The following GPC5 variants were observed in gnomAD, a reference collection of about 807,000 sequenced individuals.
The protein encoded by GPC5 is glypican 5.
GPC5 carries 47 observed loss-of-function variants against 53.9 expected under a neutral mutation model. The ratio of observed to expected loss-of-function variants is 0.87; its 90% CI spans 0.69 to 1.11. The LOEUF (loss-of-function observed/expected upper bound fraction) is 1.11. Ranked by LOEUF, GPC5 falls within the 50% of genes most tolerant of loss-of-function variation. The pLI, the probability that GPC5 is intolerant of heterozygous loss-of-function variation, is 0.00. For synonymous variants in GPC5, 286 were observed against 263.3 expected (o/e 1.09, Z -0.84); for missense variants, 748 against 713.1 (o/e 1.05, Z -0.56).
At chr13:91,843,132 C>G (rs1473125201) in intron 5 of GPC5, among the ~76,000 whole-genome samples, 9 of 152,096 alleles carry the variant, frequency 5.9e-5, no homozygotes, top group African/African-American at 2.2e-4. Context: ...TTTTGCTGAG[C>G]AACGATTTTG....
chr13:91,867,829 T>A (rs2039100895), intron 5 of GPC5, among the ~76,000 whole-genome samples: 2 of 152,218 alleles, frequency 1.3e-5, no homozygotes. Context: ...AACGAACAAT[T>A]GTATAGCATT....
At chr13:92,807,818 C>T (rs1324866161) in intron 7 of GPC5, among the ~76,000 whole-genome samples, 1 of 152,086 alleles carries the variant, frequency 6.6e-6, no homozygotes, top group Non-Finnish European at 1.5e-5. Context: ...GGCTGTGTGA[C>T]TAACACGCCT....
At chr13:91,782,249 C>A (rs2037809788) in intron 5 of GPC5, among the ~76,000 whole-genome samples, 1 of 152,180 alleles carries the variant, frequency 6.6e-6, no homozygotes, top group South Asian at 2.1e-4. Flanking sequence ...CCTCTACTTT[C>A]CAAGCTGTGT....
chr13:91,922,208 G>C (rs923927133), intron 6 of GPC5, among the ~76,000 whole-genome samples: 1 of 152,118 alleles, frequency 6.6e-6, no homozygotes, highest in African/African-American at 2.4e-5. Flanking sequence ...AGTGTATAAA[G>C]AGCTTGTGCA....
intron 5 of GPC5, among the ~76,000 whole-genome samples, chr13:91,816,017 G>A (rs2038393633): frequency 6.6e-6 from 1 of 151,908 alleles, no homozygotes; most frequent in South Asian, 2.1e-4. Context: ...CCATTCCCTG[G>A]GAAGCTTACC....
intron 7 of GPC5, among the ~76,000 whole-genome samples, chr13:92,754,503 C>A (rs2139330610): frequency 6.6e-6 from 1 of 151,760 alleles, no homozygotes. Flanking sequence ...TGTAAATGGA[C>A]TAAATGCTCC....
At chr13:91,409,981 G>T (rs1157258628) in intron 1 of GPC5, among the ~76,000 whole-genome samples, 1 of 152,268 alleles carries the variant, frequency 6.6e-6, no homozygotes, top group Admixed American at 6.5e-5. Context: ...CCATTCCTGT[G>T]TTAATTTGCT....
At chr13:91,862,126 T>C (rs1023419574) in intron 5 of GPC5, among the ~76,000 whole-genome samples, 1 of 152,166 alleles carries the variant, frequency 6.6e-6, no homozygotes, top group African/African-American at 2.4e-5. Flanking sequence ...TTCTATGCTT[T>C]TCATTTTCTC....
At chr13:92,723,131 C>G (rs1888548273) in intron 7 of GPC5, among the ~76,000 whole-genome samples, 1 of 151,464 alleles carries the variant, frequency 6.6e-6, no homozygotes, top group Non-Finnish European at 1.5e-5. Context: ...GAGATAATAC[C>G]TACCTTGAGA....
At chr13:92,344,827 A>G (rs918918567) in intron 7 of GPC5, among the ~76,000 whole-genome samples, 1 of 152,176 alleles carries the variant, frequency 6.6e-6, no homozygotes, top group Non-Finnish European at 1.5e-5. Flanking sequence ...GATTACAACA[A>G]CTATTCACTA....
At chr13:92,698,360 C>T (rs1407796931) in intron 7 of GPC5, among the ~76,000 whole-genome samples, 1 of 151,624 alleles carries the variant, frequency 6.6e-6, no homozygotes, top group Non-Finnish European at 1.5e-5. Context: ...TGTTCCCCTT[C>T]CTGTGTCCAT....
chr13:92,493,171 A>G (rs190835965), intron 7 of GPC5, among the ~76,000 whole-genome samples: 1 of 152,312 alleles, frequency 6.6e-6, no homozygotes, highest in African/African-American at 2.4e-5. Context: ...TCTGCATGAG[A>G]TATGTTTGAA....
intron 3 of GPC5, among the ~76,000 whole-genome samples, chr13:91,705,427 T>C (rs180720483): frequency 6.6e-6 from 1 of 152,328 alleles, no homozygotes; most frequent in African/African-American, 2.4e-5. Context: ...AAAATGTCAA[T>C]AGAAAGCATG....
intron 6 of GPC5, among the ~76,000 whole-genome samples, chr13:92,132,600 T>C (rs1367529155): frequency 6.6e-6 from 1 of 152,082 alleles, no homozygotes; most frequent in Non-Finnish European, 1.5e-5. Flanking sequence ...TGTGTCTCCG[T>C]ATAGTCTTCC....
rs143716878 is a variant in GPC5, at chr13:92,048,552, C to A, written c.1402-96278C>A. On this transcript the variant is annotated intron_variant, in intron 6 of 7. Transcript: ENST00000377067. ...CTCTGCAGGAAGCCAACACATCTAT[C>A]GCTAATATATTTTGTGTAAGTTTTA... 3.9e-5 allele frequency among the ~76,000 whole-genome samples: 6 copies of A among 152,204 alleles called. No homozygotes were observed. In the East Asian group the frequency reaches 9.7e-4, roughly 24 times the overall value.
At chr13:92,400,216 G>A (rs1421834406) in intron 7 of GPC5, among the ~76,000 whole-genome samples, 1 of 152,122 alleles carries the variant, frequency 6.6e-6, no homozygotes, top group Admixed American at 6.5e-5. Context: ...TCAATTAATA[G>A]TGTATGACCA....
intron 7 of GPC5, among the ~76,000 whole-genome samples, chr13:92,439,658 G>A (rs961799115): frequency 2.6e-5 from 4 of 152,060 alleles, no homozygotes; most frequent in African/African-American, 9.7e-5. Flanking sequence ...TTTAAAAATA[G>A]GAACATAAAA....
chr13:92,121,523 G>A (rs140578275), intron 6 of GPC5, among the ~76,000 whole-genome samples: 5 of 152,290 alleles, frequency 3.3e-5, no homozygotes, highest in South Asian at 2.1e-4. Flanking sequence ...CAATAGATGC[G>A]ATAGGGAGAA....
intron 5 of GPC5, among the ~76,000 whole-genome samples, chr13:91,881,147 C>T (rs1402849929): frequency 6.6e-6 from 1 of 151,994 alleles, no homozygotes; most frequent in Non-Finnish European, 1.5e-5. Context: ...AAATAATAAA[C>T]AGAAAAATGC....
Sources: allele counts gnomAD v4.1 joint callset (sites outside exome capture counted in the v4.1 genomes callset), GRCh38; gene constraint gnomAD v4.1.1; transcripts MANE v1.5; gene names NCBI Gene and HGNC (gene_info 2026-07-23, HGNC 2026-07-21).